The following GRID2 variants were observed in gnomAD, a reference collection of about 807,000 sequenced individuals.
GRID2 encodes the protein glutamate ionotropic receptor delta type subunit 2.
In GRID2, 33 loss-of-function variants were observed where a neutral mutation model predicts 114.8. The observed-to-expected ratio is 0.29, with a 90% CI of 0.22 to 0.38. The LOEUF (loss-of-function observed/expected upper bound fraction) is 0.38, where lower values mean the gene tolerates loss of function less well. Among genes scored for constraint, GRID2 ranks in the 10% least tolerant of loss-of-function variants. GRID2 has a pLI of 1.00. For missense variants in GRID2, 1,184 were observed against 1,257.7 expected (o/e 0.94, Z 0.89); for synonymous variants, 505 against 449.9 (o/e 1.12, Z -1.55).
chr4:93,263,567 C>A (rs1469908989), intron 8 of GRID2, among the ~76,000 whole-genome samples: 1 of 151,798 alleles, frequency 6.6e-6, no homozygotes, highest in Non-Finnish European at 1.5e-5. Context: ...TTTAAGTATG[C>A]TTAAAATCTT....
intron 1 of GRID2, among the ~76,000 whole-genome samples, chr4:92,347,345 C>T (rs1337292273): frequency 1.3e-5 from 2 of 151,700 alleles, no homozygotes; most frequent in African/African-American, 2.4e-5. Context: ...GTAGATATGC[C>T]TCCATATTGT....
chr4:93,107,838 CT>C (rs959300739), intron 3 of GRID2, among the ~76,000 whole-genome samples: 1 of 152,150 alleles, frequency 6.6e-6, no homozygotes, highest in Non-Finnish European at 1.5e-5. Context: ...CAGACTTAAA[CT>C]GCTTTTCATT....
chr4:93,272,379 T>C (rs1751556137), intron 8 of GRID2, among the ~76,000 whole-genome samples: 1 of 152,140 alleles, frequency 6.6e-6, no homozygotes, highest in Non-Finnish European at 1.5e-5. Flanking sequence ...AGCTGCTGTA[T>C]GTTATGTAGG....
chr4:92,509,025 C>T (rs1724112498), intron 1 of GRID2, among the ~76,000 whole-genome samples: 1 of 151,786 alleles, frequency 6.6e-6, no homozygotes, highest in South Asian at 2.1e-4. Flanking sequence ...TATGATTGCA[C>T]CACTGCACTA....
At chr4:93,346,611 C>A (rs34399368) in intron 8 of GRID2, among the ~76,000 whole-genome samples, 15,266 of 152,150 alleles carry the variant, frequency 0.1, 1,042 homozygotes, top group Non-Finnish European at 0.15. Flanking sequence ...CCCACCAAAG[C>A]CTGTTCTAAT....
chr4:92,717,418 G>T (rs1735603406), intron 2 of GRID2, among the ~76,000 whole-genome samples: 1 of 152,152 alleles, frequency 6.6e-6, no homozygotes, highest in African/African-American at 2.4e-5. Context: ...CTACAGGTAG[G>T]TTTGTAGAGT....
intron 2 of GRID2, among the ~76,000 whole-genome samples, chr4:93,044,778 G>A (rs1181241173): frequency 6.6e-6 from 1 of 152,068 alleles, no homozygotes; most frequent in Admixed American, 6.6e-5. Context: ...AGAGATTATG[G>A]CAACCTTGTG....
At chr4:92,665,438 T>C (rs1402574517) in intron 2 of GRID2, among the ~76,000 whole-genome samples, 1 of 151,304 alleles carries the variant, frequency 6.6e-6, no homozygotes, top group African/African-American at 2.4e-5. Context: ...CCTTAAATTA[T>C]GTGGAAACAA....
At chr4:92,779,729 G>C (rs142016622) in intron 2 of GRID2, among the ~76,000 whole-genome samples, 1 of 152,004 alleles carries the variant, frequency 6.6e-6, no homozygotes, top group Non-Finnish European at 1.5e-5. Flanking sequence ...TCCAATAAGC[G>C]CCACTAATAA....
intron 1 of GRID2, among the ~76,000 whole-genome samples, chr4:92,490,729 G>A (rs946061860): frequency 1.3e-5 from 2 of 152,060 alleles, no homozygotes; most frequent in Non-Finnish European, 2.9e-5. Context: ...CTTTATGGGG[G>A]ATTTCATAAG....
intron 3 of GRID2, among the ~76,000 whole-genome samples, chr4:93,106,440 G>C (rs1334683238): frequency 3.9e-5 from 6 of 152,032 alleles, no homozygotes; most frequent in Non-Finnish European, 7.4e-5. Context: ...TCCGCCTCCT[G>C]GGTTCAAGCG....
chr4:92,606,971 G>T (rs895981275), intron 2 of GRID2, among the ~76,000 whole-genome samples: 1 of 151,964 alleles, frequency 6.6e-6, no homozygotes, highest in Admixed American at 6.6e-5. Flanking sequence ...TGCAGCAAAG[G>T]TCGACATGAT....
intron 12 of GRID2, among the ~76,000 whole-genome samples, chr4:93,513,047 C>T (rs550028836): frequency 6.6e-6 from 1 of 152,108 alleles, no homozygotes; most frequent in East Asian, 1.9e-4. Flanking sequence ...AGATTAAAAC[C>T]TTCTGATCAT....
intron 8 of GRID2, among the ~76,000 whole-genome samples, chr4:93,373,003 C>G (rs1413504313): frequency 3.3e-5 from 5 of 152,064 alleles, no homozygotes; most frequent in African/African-American, 1.2e-4. Flanking sequence ...CCTTTTTAAG[C>G]TTGGTGGTGG....
chr4:92,348,403 T>G (rs1230076313), intron 1 of GRID2, among the ~76,000 whole-genome samples: 1 of 152,218 alleles, frequency 6.6e-6, no homozygotes. Context: ...GTAGAATTAG[T>G]ATTCATTTCA....
chr4:93,210,821 A>G lies in GRID2; in HGVS notation c.789+3364A>G, dbSNP rs139432530. Among the ~76,000 whole-genome samples the G allele has an allele frequency of 2.1e-4, 32 of 152,086 alleles. No homozygotes were observed. The East Asian group carries it at 6.0e-3, about 28-fold the overall frequency. ...TCTGATGGGAGCTATTTATGTCACT[A>G]GCTTTTTTGTATTAATTATTTTCTA... On this transcript the variant is annotated intron_variant, in intron 5 of 15. Transcript: ENST00000282020.
intron 8 of GRID2, chr4:93,258,858 G>T (rs1220949973): frequency 2.2e-6 from 1 of 451,976 alleles, no homozygotes; most frequent in African/African-American, 2.0e-5. Context: ...CACAACTACT[G>T]CAAGATTCAT....
intron 12 of GRID2, among the ~76,000 whole-genome samples, chr4:93,509,407 G>A (rs376698294): frequency 2.0e-5 from 3 of 151,964 alleles, no homozygotes; most frequent in Middle Eastern, 3.2e-3. Flanking sequence ...ACAAGGATAC[G>A]GCAATTCCAG....
chr4:92,497,913 A>G (rs959416369), intron 1 of GRID2, among the ~76,000 whole-genome samples: 3 of 151,964 alleles, frequency 2.0e-5, no homozygotes, highest in Admixed American at 6.6e-5. Flanking sequence ...TTGCTTTTCA[A>G]AAGTGACTTC....
Sources: gnomAD v4.1 joint callset for allele counts (sites outside exome capture counted in the v4.1 genomes callset) on GRCh38, gnomAD v4.1.1 for gene constraint, MANE v1.5 for transcripts, NCBI Gene and HGNC (gene_info 2026-07-23, HGNC 2026-07-21) for gene names.